Variants in THSD7B observed in about 807,000 individuals in gnomAD.
THSD7B encodes the protein thrombospondin type 1 domain containing 7B.
Under a neutral mutation model 213.6 loss-of-function variants are expected in THSD7B, and 138 were observed. The observed-to-expected ratio is 0.65, with a 90% confidence interval of 0.56 to 0.74. The LOEUF (loss-of-function observed/expected upper bound fraction) is 0.74, where lower values mean the gene tolerates loss of function less well. Ranked by LOEUF, THSD7B falls within the 30% of genes least tolerant of loss-of-function variation. THSD7B has a pLI of 0.00. For synonymous variants in THSD7B, 742 were observed against 687.0 expected, an observed-to-expected ratio of 1.08 and a Z score of -1.25; for missense variants, 1,931 against 1,991.5, an observed-to-expected ratio of 0.97 and a Z score of 0.58.
At chr2:137,623,227 C>A (rs913882292) in intron 20 of THSD7B, among the ~76,000 whole-genome samples, 11 of 152,126 alleles carry the variant, frequency 7.2e-5, no homozygotes, top group Non-Finnish European at 1.5e-4. Context: ...AAGACAAAAA[C>A]CACATGATTA....
intron 1 of THSD7B, among the ~76,000 whole-genome samples, chr2:136,802,678 T>TAC (rs1682211270): frequency 7.6e-6 from 1 of 131,026 alleles, no homozygotes; most frequent in Non-Finnish European, 1.6e-5. Flanking sequence ...TATATATATA[T>TAC]ATATGTAGTA....
At chr2:137,417,387 G>GCT (rs1686821666) in intron 14 of THSD7B, among the ~76,000 whole-genome samples, 1 of 151,980 alleles carries the variant, frequency 6.6e-6, no homozygotes, top group African/African-American at 2.4e-5. Flanking sequence ...GATTAAAAGA[G>GCT]CTTTTTTTTT....
chr2:136,922,926 G>C (rs1411651844), intron 2 of THSD7B, among the ~76,000 whole-genome samples: 1 of 152,118 alleles, frequency 6.6e-6, no homozygotes, highest in Non-Finnish European at 1.5e-5. Flanking sequence ...ATGTAGTTAC[G>C]TGAATTGTAA....
chr2:137,552,959 G>C (rs1214298935), intron 15 of THSD7B, among the ~76,000 whole-genome samples: 3 of 152,146 alleles, frequency 2.0e-5, no homozygotes, highest in Non-Finnish European at 4.4e-5. Context: ...TGAATTAGGG[G>C]ATGGGGATCC....
chr2:137,352,245 G>T (rs556427410), intron 12 of THSD7B, among the ~76,000 whole-genome samples: 1 of 151,916 alleles, frequency 6.6e-6, no homozygotes, highest in Admixed American at 6.6e-5. Context: ...TCTTTTCAGG[G>T]CAAGAAAAAT....
chr2:137,286,786 C>T (rs78576314), intron 12 of THSD7B, among the ~76,000 whole-genome samples: 2,318 of 152,216 alleles, frequency 0.015, 66 homozygotes, highest in African/African-American at 0.053. Context: ...AAATGAGCTA[C>T]CTTATCCACG....
At chr2:137,620,758 G>C in intron 20 of THSD7B, 32 bp downstream of exon 20, 2 of 1,549,516 alleles carry the variant, frequency 1.3e-6, no homozygotes, top group Non-Finnish European at 1.8e-6. Flanking sequence ...CCACTAACTA[G>C]TGTAGGTTTC....
chr2:137,661,564 C>A (rs1054690747), intron 25 of THSD7B, among the ~76,000 whole-genome samples: 4 of 151,884 alleles, frequency 2.6e-5, no homozygotes, highest in African/African-American at 7.3e-5. Context: ...TTGCCTCCTC[C>A]GAGGAAATAA....
At chr2:136,960,330 G>A (rs1685194998) in intron 2 of THSD7B, among the ~76,000 whole-genome samples, 1 of 151,990 alleles carries the variant, frequency 6.6e-6, no homozygotes, top group African/African-American at 2.4e-5. Flanking sequence ...GTAGAGATGG[G>A]GTTTTGCCCT....
intron 3 of THSD7B, among the ~76,000 whole-genome samples, chr2:137,087,911 G>A (rs1687869757): frequency 6.6e-6 from 1 of 152,028 alleles, no homozygotes; most frequent in South Asian, 2.1e-4. Flanking sequence ...ATATTATAAG[G>A]CCATAGTCAC....
intron 12 of THSD7B, among the ~76,000 whole-genome samples, chr2:137,377,034 A>G (rs547629659): frequency 3.2e-4 from 49 of 152,352 alleles, no homozygotes; most frequent in Non-Finnish European, 4.1e-4. Flanking sequence ...GTAAGAAATT[A>G]ACTTTAATCA....
chr2:137,471,209 C>T (rs1688088348), intron 15 of THSD7B, among the ~76,000 whole-genome samples: 1 of 152,112 alleles, frequency 6.6e-6, no homozygotes, highest in African/African-American at 2.4e-5. Context: ...GTGTAAGCCA[C>T]TGCACCTGGC....
chr2:136,769,577 A>G (rs1681469178), intron 1 of THSD7B, among the ~76,000 whole-genome samples: 2 of 152,358 alleles, frequency 1.3e-5, no homozygotes, highest in Admixed American at 1.3e-4. Flanking sequence ...GTCATCTGGC[A>G]TCTATAAGAA....
intron 1 of THSD7B, among the ~76,000 whole-genome samples, chr2:136,838,333 T>C (rs1415299021): frequency 6.6e-6 from 1 of 152,166 alleles, no homozygotes; most frequent in Non-Finnish European, 1.5e-5. Context: ...AGATGAGTCA[T>C]ATTTTGGGCT....
chr2:137,120,387 C>G (rs943127235), intron 5 of THSD7B, among the ~76,000 whole-genome samples: 3 of 151,184 alleles, frequency 2.0e-5, no homozygotes, highest in Non-Finnish European at 4.4e-5. Context: ...GCAGTTACTC[C>G]AGTGTTTTTT....
At chr2:137,459,604 G>A (rs1323759218) in intron 15 of THSD7B, among the ~76,000 whole-genome samples, 3 of 152,002 alleles carry the variant, frequency 2.0e-5, no homozygotes, top group Non-Finnish European at 4.4e-5. Flanking sequence ...AGTGGAGGTT[G>A]CAATTAGCTG....
chr2:137,505,118 AGCCTGTCCCAATTT>A (rs2105143085), intron 15 of THSD7B, among the ~76,000 whole-genome samples: 1 of 152,300 alleles, frequency 6.6e-6, no homozygotes, highest in South Asian at 2.1e-4. Context: ...AGGATCGTTG[AGCCTGTCCCAATTT>A]GCCTGTCCCA....
At chr2:137,399,443 T>C (rs1355683172) in intron 12 of THSD7B, among the ~76,000 whole-genome samples, 1 of 152,118 alleles carries the variant, frequency 6.6e-6, no homozygotes, top group African/African-American at 2.4e-5. Flanking sequence ...TCTCCCAGCC[T>C]TGGCCTCCGA....
At chr2:136,947,987 C>T (rs554691778) in intron 2 of THSD7B, among the ~76,000 whole-genome samples, 4 of 152,174 alleles carry the variant, frequency 2.6e-5, no homozygotes, top group Non-Finnish European at 4.4e-5. Flanking sequence ...CCTTTACTCA[C>T]GCCTGATGAA....
Sources: gnomAD v4.1 joint callset for allele counts (sites outside exome capture counted in the v4.1 genomes callset) on GRCh38, gnomAD v4.1.1 for gene constraint, MANE v1.5 for transcripts, NCBI Gene and HGNC (gene_info 2026-07-23, HGNC 2026-07-21) for gene names.